SLF2: variants seen among roughly 807,000 people sequenced by gnomAD.
The protein encoded by SLF2 is SMC5-SMC6 complex localization factor protein 2.
In SLF2, 68 loss-of-function variants were observed where a neutral mutation model predicts 124.3. The ratio of observed to expected loss-of-function variants is 0.55; its 90% CI spans 0.45 to 0.67. SLF2 has a LOEUF of 0.67. Among genes scored for constraint, SLF2 ranks in the 30% least tolerant of loss-of-function variants. The pLI, the probability that SLF2 is intolerant of heterozygous loss-of-function variation, is 0.00. For synonymous variants in SLF2, 480 were observed against 478.8 expected (o/e 1.00, Z -0.03); for missense variants, 1,246 against 1,373.7 (o/e 0.91, Z 1.47).
intron 19 of SLF2, among the ~76,000 whole-genome samples, chr10:100,960,321 A>G (rs1019869575): frequency 1.3e-4 from 20 of 152,210 alleles, no homozygotes; most frequent in African/African-American, 3.4e-4. Context: ...TGGTAATTCT[A>G]TGTTAAGTGT....
intron 1 of SLF2, chr10:100,913,623 T>C (rs118136666): frequency 2.7e-6 from 3 of 1,092,460 alleles, no homozygotes; most frequent in Non-Finnish European, 3.3e-6. Flanking sequence ...TTTAGTAATA[T>C]AAACCTTTTC....
At chr10:100,929,477 G>T (rs1213327521) in intron 7 of SLF2, 38 bp downstream of exon 7, 7 of 1,518,142 alleles carry the variant, frequency 4.6e-6, no homozygotes, top group Non-Finnish European at 5.3e-6. Context: ...CCTTATTAAA[G>T]TTTTTACATT....
intron 19 of SLF2, among the ~76,000 whole-genome samples, chr10:100,960,608 C>G (rs1237277371): frequency 6.6e-6 from 1 of 152,094 alleles, no homozygotes; most frequent in Non-Finnish European, 1.5e-5. Context: ...TCATCCCATA[C>G]TTCATTTCAA....
intron 1 of SLF2, among the ~76,000 whole-genome samples, chr10:100,915,429 T>C (rs981535835): frequency 6.6e-6 from 1 of 152,194 alleles, no homozygotes; most frequent in Non-Finnish European, 1.5e-5. Flanking sequence ...ATTCCCTAGA[T>C]CAGCCAAATC....
At chr10:100,954,751 T>G (rs1464544557) in intron 17 of SLF2, among the ~76,000 whole-genome samples, 1 of 152,044 alleles carries the variant, frequency 6.6e-6, no homozygotes, top group East Asian at 1.9e-4. Context: ...AAAACCAGCT[T>G]AGGCAACATA....
Position 100,962,710 on chromosome 10 carries a change from C to T in SLF2, c.*798C>T, listed in dbSNP as rs1850445365. On this transcript the variant is annotated 3_prime_UTR_variant, in exon 20 of 20. Transcript: ENST00000238961. Reference sequence around the variant, plus strand: ...TCTTGGCTATATCTTAGAATTCTGGCTCTTGGTAACCATATTACAGAAGTC... The same window carrying T: ...TCTTGGCTATATCTTAGAATTCTGGTTCTTGGTAACCATATTACAGAAGTC... The T allele has an allele frequency of 6.6e-6, 1 of 152,574 alleles. No individual in the cohort carries two copies. The highest frequency in any genetic ancestry group is 2.1e-4 in the South Asian group (1 of 4,828). 9.5% of individuals were successfully genotyped at this position (152,574 alleles called of 1,614,324 possible). A position where few individuals can be genotyped will look rare whatever the true frequency, so the allele number is the denominator to read the frequency against.
rs762008275 is a variant in SLF2, at chr10:100,916,972, A to C, written c.587A>C (p.Asp196Ala). Reference sequence around the variant, plus strand: ...AGAGATCGAGGCAAAACCAATGCAGACTCCAAAAAGCAGACCACAGTGGCA... The same window carrying C: ...AGAGATCGAGGCAAAACCAATGCAGCCTCCAAAAAGCAGACCACAGTGGCA... The part of the protein sequence containing the change: ...NDRDRGKTNA[D>A]SKKQTTVAEA... Residue 196 changes from aspartate (D) to alanine (A), a missense_variant, in exon 3 of 20, where the codon GAC (aspartate) becomes GCC (alanine). By Grantham distance (126) the Asp-to-Ala change is moderately radical (BLOSUM62 -2). Transcript: ENST00000238961. 11 of 1,614,154 alleles carry C rather than the reference A, an allele frequency of 6.8e-6. No homozygotes were observed. Among genetic ancestry groups the C allele is most frequent in the Non-Finnish European group, 9.3e-6 (11 of 1,180,038 alleles).
At chr10:100,961,248 G>A (rs1850423353) in intron 19 of SLF2, among the ~76,000 whole-genome samples, 1 of 151,936 alleles carries the variant, frequency 6.6e-6, no homozygotes. Flanking sequence ...CTGACCTCGT[G>A]ATCCGCCCGC....
At chr10:100,959,344 G>A in intron 18 of SLF2, 84 bp from the exon 19 acceptor site, 1 of 1,284,244 alleles carries the variant, frequency 7.8e-7, no homozygotes, top group Non-Finnish European at 1.1e-6. Flanking sequence ...TGTTGCAGCT[G>A]TCAGATATTT....
chr10:100,922,950 A>G (rs578234949), intron 4 of SLF2, among the ~76,000 whole-genome samples: 2 of 151,036 alleles, frequency 1.3e-5, no homozygotes, highest in East Asian at 3.9e-4. Flanking sequence ...TAATTTTTGT[A>G]TTTTCAGTAG....
At chr10:100,942,311 A>G (rs1849996561) in intron 11 of SLF2, among the ~76,000 whole-genome samples, 1 of 152,150 alleles carries the variant, frequency 6.6e-6, no homozygotes, top group Admixed American at 6.5e-5. Context: ...TCCTCCTCCC[A>G]TTTATGTTCA....
intron 11 of SLF2, among the ~76,000 whole-genome samples, chr10:100,943,181 TAAC>T (rs1174477623): frequency 6.6e-6 from 1 of 152,214 alleles, no homozygotes; most frequent in African/African-American, 2.4e-5. Flanking sequence ...TTATTATAAA[TAAC>T]AAAAGAGGCT....
chr10:100,932,213 G>A (rs1452037720), intron 9 of SLF2, among the ~76,000 whole-genome samples: 5 of 152,012 alleles, frequency 3.3e-5, no homozygotes, highest in African/African-American at 1.2e-4. Context: ...TTGAGACCAG[G>A]AGTTTGAGAT....
rs545955848 is a variant in SLF2, at chr10:100,956,882, C to T, written c.3417+345C>T. On this transcript the variant is annotated intron_variant, in intron 18 of 19. Coordinates refer to ENST00000238961, the MANE Select transcript of SLF2 (RefSeq NM_018121.4). Reference sequence around the variant, plus strand: ...TTGAGGTTGCAGTGAGCTATGAACACACATGGCACTCCAGCCTGGGAGATA... The same window carrying T: ...TTGAGGTTGCAGTGAGCTATGAACATACATGGCACTCCAGCCTGGGAGATA... 5.3e-4 allele frequency among the ~76,000 whole-genome samples: 81 copies of T among 152,228 alleles called. 1 individual carries two copies. In the South Asian group the frequency reaches 0.016, roughly 30 times the overall value.
chr10:100,931,217 G>A, intron 9 of SLF2, 139 bp downstream of exon 9: 1 of 655,720 alleles, frequency 1.5e-6, no homozygotes, highest in Non-Finnish European at 2.7e-6. Flanking sequence ...TTAGAATGTA[G>A]CAAAAAGAGT....
intron 4 of SLF2, among the ~76,000 whole-genome samples, chr10:100,920,134 A>G (rs1037178026): frequency 6.6e-5 from 10 of 152,224 alleles, no homozygotes; most frequent in African/African-American, 2.2e-4. Flanking sequence ...GAAGAACAGG[A>G]ATTTCTCAGC....
chr10:100,914,311 TG>T (rs34706825), intron 1 of SLF2, among the ~76,000 whole-genome samples: 64,726 of 151,570 alleles, frequency 0.43, 15,849 homozygotes, highest in Middle Eastern at 0.57. Flanking sequence ...TGTGTGTGTG[TG>T]TTTTTTTTTA....
Position 100,963,619 on chromosome 10 carries a change from A to G in SLF2, c.*1707A>G. 6.6e-6 allele frequency: 1 copy of G among 152,594 alleles called. No individual in the cohort carries two copies. Among genetic ancestry groups the G allele is most frequent in the East Asian group, 1.9e-4 (1 of 5,196 alleles). The allele number at this position is 152,594 out of a possible 1,614,324, so 9.5% of individuals were successfully genotyped here. On this transcript the variant is annotated 3_prime_UTR_variant, in exon 20 of 20. Transcript: ENST00000238961. ...CTGTAATTTAATCCTTTGTAGATACATTATTTGTGTGTAATTTTATACGTG... is the reference window on the plus strand; with the variant it reads ...CTGTAATTTAATCCTTTGTAGATACGTTATTTGTGTGTAATTTTATACGTG...
chr10:100,945,703 T>G (rs1246593684), intron 13 of SLF2, among the ~76,000 whole-genome samples, 197 bp downstream of exon 13: 1 of 152,198 alleles, frequency 6.6e-6, no homozygotes, highest in Non-Finnish European at 1.5e-5. Flanking sequence ...CAACTCTTTA[T>G]CCAACAAAAA....
Sources: gnomAD v4.1 joint callset for allele counts (sites outside exome capture counted in the v4.1 genomes callset) on GRCh38, gnomAD v4.1.1 for gene constraint, MANE v1.5 for transcripts, NCBI Gene and HGNC (gene_info 2026-07-23, HGNC 2026-07-21) for gene names.